VPS39: variants seen among roughly 807,000 people sequenced by gnomAD.
VPS39 encodes vam6/Vps39-like protein.
VPS39 carries 70 observed loss-of-function variants against 121.0 expected under a neutral mutation model. The ratio of observed to expected loss-of-function variants is 0.58; its 90% CI spans 0.48 to 0.71. The LOEUF is 0.71. VPS39 is among the 30% of genes least tolerant of loss of function. The pLI is 0.00. For missense variants in VPS39, 818 were observed against 1,051.5 expected (o/e 0.78, Z 3.07); for synonymous variants, 378 against 398.1 (o/e 0.95, Z 0.60).
Position 42,165,789 on chromosome 15 carries a change from C to G in VPS39, c.1708G>C (p.Glu570Gln). ...KIFTEDLPEV[E>Q]SLPRDRVLGF... ...AGGACTCGATCACGTGGCAGAGACTCCACTTCCGGGAGATCTTCAGTAAAT... is the reference window on the plus strand; with the variant it reads ...AGGACTCGATCACGTGGCAGAGACTGCACTTCCGGGAGATCTTCAGTAAAT... The change falls in exon 17 of 25, where the codon GAG becomes CAG. Residue 570 changes from glutamate to glutamine, a missense_variant. By Grantham distance (29) the Glu-to-Gln change is conservative. Coordinates refer to ENST00000318006, the MANE Select transcript of VPS39 (RefSeq NM_015289.5). 6.2e-7 allele frequency: 1 copy of G among 1,614,172 alleles called. No individual in the cohort carries two copies. The highest frequency in any genetic ancestry group is 8.5e-7 in the Non-Finnish European group (1 of 1,180,018).
intron 22 of VPS39, 29 bp from the exon 23 acceptor site, chr15:42,162,195 G>A (rs781119133): frequency 1.2e-6 from 2 of 1,613,744 alleles, no homozygotes; most frequent in Admixed American, 3.3e-5. Flanking sequence ...ATAGGGACTG[G>A]GTGAGGTGAA....
intron 10 of VPS39, among the ~76,000 whole-genome samples, chr15:42,174,686 G>T (rs774582079): frequency 3.3e-5 from 5 of 152,106 alleles, no homozygotes; most frequent in Admixed American, 1.3e-4. Context: ...CATAACGGAT[G>T]AGTTGGGCCA....
In VPS39 at chr15:42,166,197, C is replaced by T; in HGVS notation, c.1642G>A (p.Val548Met). The T allele has an allele frequency of 1.9e-6, 3 of 1,614,250 alleles. No homozygotes were observed. Among genetic ancestry groups the T allele is most frequent in the East Asian group, 2.2e-5 (1 of 44,892 alleles). ...ENLHLIFSYS[V>M]WVLRDFPEDG... ...TCTGGGAAGTCTCTCAGCACCCACACTGAGTAGGAGAAAATCAAATGCAGG... is the reference window on the plus strand; with the variant it reads ...TCTGGGAAGTCTCTCAGCACCCACATTGAGTAGGAGAAAATCAAATGCAGG... Residue 548 changes from valine (V) to methionine (M), a missense_variant, in exon 16 of 25, where the codon GTG becomes ATG. Transcript: ENST00000318006.
Position 42,166,753 on chromosome 15 carries a change from C to T in VPS39, c.1519+19G>A. The T allele has an allele frequency of 6.2e-7, 1 of 1,613,468 alleles. No individual in the cohort carries two copies. Among genetic ancestry groups the T allele is most frequent in the Non-Finnish European group, 8.5e-7 (1 of 1,179,464 alleles). ...CATGTACAAGAGCCCCTCCCAGATC[C>T]AAGGAACCACTCCCACACCTTTCTC... On this transcript the variant is annotated intron_variant, in intron 14 of 24. Transcript: ENST00000318006.
At chr15:42,164,283 GA>G in intron 19 of VPS39, 74 bp downstream of exon 19, 1 of 1,578,194 alleles carries the variant, frequency 6.3e-7, no homozygotes, top group South Asian at 1.2e-5. Flanking sequence ...GAGAGTTGGG[GA>G]ACAATTAAAG....
intron 17 of VPS39, 142 bp from the exon 18 acceptor site, chr15:42,165,255 C>G (rs999654867): frequency 1.4e-6 from 1 of 722,556 alleles, no homozygotes; most frequent in East Asian, 2.7e-5. Flanking sequence ...AGAGACAGCT[C>G]GTCTAAAGCC....
At chr15:42,200,418 C>A (rs970286458) in intron 1 of VPS39, among the ~76,000 whole-genome samples, 6 of 151,960 alleles carry the variant, frequency 3.9e-5, no homozygotes, top group Non-Finnish European at 8.8e-5. Context: ...AAATGTGAAA[C>A]CAGGTATCCA....
intron 8 of VPS39, chr15:42,178,771 G>A: frequency 4.6e-6 from 3 of 654,972 alleles, no homozygotes; most frequent in Non-Finnish European, 7.4e-6. Context: ...GAGAGGTTGA[G>A]GTGGGAAGGT....
At chr15:42,189,718 G>A (rs1263520527) in intron 4 of VPS39, among the ~76,000 whole-genome samples, 2 of 81,976 alleles carry the variant, frequency 2.4e-5, no homozygotes, top group East Asian at 8.1e-4. Flanking sequence ...GACAGAGTGA[G>A]ACTCCGTCTC....
chr15:42,171,588 T>C (rs2049348559), intron 11 of VPS39, among the ~76,000 whole-genome samples: 1 of 152,242 alleles, frequency 6.6e-6, no homozygotes, highest in African/African-American at 2.4e-5. Context: ...TGTCTATATG[T>C]AGTAAAATAT....
At chr15:42,190,441 T>C (rs934235331) in intron 4 of VPS39, among the ~76,000 whole-genome samples, 28 of 152,146 alleles carry the variant, frequency 1.8e-4, no homozygotes, top group African/African-American at 6.8e-4. Flanking sequence ...CAGCTGCTAG[T>C]CCCCTGCATG....
At chr15:42,199,799 C>T in intron 2 of VPS39, 97 bp downstream of exon 2, 1 of 1,359,512 alleles carries the variant, frequency 7.4e-7, no homozygotes, top group Non-Finnish European at 9.9e-7. Flanking sequence ...CTCTAACCTT[C>T]AATCTCTCTT....
intron 8 of VPS39, chr15:42,179,234 C>T (rs1264052397): frequency 6.6e-6 from 1 of 152,218 alleles, no homozygotes; most frequent in Non-Finnish European, 1.5e-5. Flanking sequence ...GTGGGAGAAC[C>T]AGGTAACAGA....
At chr15:42,172,550 G>A (rs1042604287) in intron 11 of VPS39, among the ~76,000 whole-genome samples, 4 of 152,192 alleles carry the variant, frequency 2.6e-5, no homozygotes, top group African/African-American at 4.8e-5. Context: ...GATTTCTTAC[G>A]TAGCATTAGA....
chr15:42,181,221 A>C (rs1257972424), intron 8 of VPS39, among the ~76,000 whole-genome samples: 1 of 152,208 alleles, frequency 6.6e-6, no homozygotes, highest in Non-Finnish European at 1.5e-5. Context: ...AGTGGAATAT[A>C]TATTACCTTT....
chr15:42,206,957 T>C (rs2050186738), intron 1 of VPS39, among the ~76,000 whole-genome samples: 1 of 152,274 alleles, frequency 6.6e-6, no homozygotes, highest in Non-Finnish European at 1.5e-5. Context: ...TTGAGATGTC[T>C]GGAGGAAGTA....
chr15:42,169,572 TAGC>T, intron 12 of VPS39, 149 bp downstream of exon 12: 1 of 790,474 alleles, frequency 1.3e-6, no homozygotes, highest in Non-Finnish European at 1.8e-6. Context: ...AAGTTAGAAG[TAGC>T]AGAAAGAAAC....
chr15:42,162,607 G>T, intron 21 of VPS39, 126 bp from the exon 22 acceptor site: 1 of 1,139,332 alleles, frequency 8.8e-7, no homozygotes, highest in Non-Finnish European at 1.2e-6. Flanking sequence ...ATGTAAAACT[G>T]GTCATTTTCA....
intron 2 of VPS39, chr15:42,192,223 A>G: frequency 1.1e-6 from 1 of 916,978 alleles, no homozygotes; most frequent in Non-Finnish European, 1.7e-6. Context: ...AATTATCATC[A>G]TCATCATCAG....
Sources: gnomAD v4.1 joint callset for allele counts (sites outside exome capture counted in the v4.1 genomes callset) on GRCh38, gnomAD v4.1.1 for gene constraint, MANE v1.5 for transcripts, NCBI Gene and HGNC (gene_info 2026-07-23, HGNC 2026-07-21) for gene names.